MMP26: variants seen among roughly 807,000 people sequenced by gnomAD.
MMP26 encodes matrix metallopeptidase 26.
In MMP26, 33 loss-of-function variants were observed where a neutral mutation model predicts 31.0. The ratio of observed to expected loss-of-function variants is 1.06; its 90% CI spans 0.81 to 1.42. The LOEUF is 1.42. Ranked by LOEUF, MMP26 falls within the 40% of genes most tolerant of loss-of-function variation. The pLI, the probability that MMP26 is intolerant of heterozygous loss-of-function variation, is 0.00. For synonymous variants in MMP26, 122 were observed against 114.9 expected (o/e 1.06, Z -0.40); for missense variants, 347 against 316.1 (o/e 1.10, Z -0.74).
chr11:4,707,904 G>A (rs16933600), intron 1 of MMP26, among the ~76,000 whole-genome samples: 13,279 of 152,032 alleles, frequency 0.087, 1,339 homozygotes, highest in African/African-American at 0.23. Context: ...AGTCATTTTT[G>A]CCTTAGTGGC....
chr11:4,820,181 G>A (rs1177443915), intron 2 of MMP26, among the ~76,000 whole-genome samples: 1 of 152,160 alleles, frequency 6.6e-6, no homozygotes, highest in African/African-American at 2.4e-5. Context: ...TGAAGGCATT[G>A]AGGTTAGATA....
chr11:4,760,743 C>T (rs1391911541), intron 1 of MMP26, among the ~76,000 whole-genome samples: 1 of 152,124 alleles, frequency 6.6e-6, no homozygotes, highest in African/African-American at 2.4e-5. Context: ...TACTGCCACT[C>T]TATCTCTCTG....
At chr11:4,835,348 T>G (rs1849703653) in intron 2 of MMP26, among the ~76,000 whole-genome samples, 1 of 152,160 alleles carries the variant, frequency 6.6e-6, no homozygotes, top group Non-Finnish European at 1.5e-5. Context: ...TTTATCCACC[T>G]TCTGTGTACC....
intron 2 of MMP26, among the ~76,000 whole-genome samples, chr11:4,966,028 G>T (rs552822087): frequency 6.6e-6 from 1 of 152,060 alleles, no homozygotes; most frequent in East Asian, 1.9e-4. Flanking sequence ...AAATTAAGTG[G>T]TTTACATTTT....
intron 2 of MMP26, among the ~76,000 whole-genome samples, chr11:4,805,530 A>G (rs1157226563): frequency 1.3e-5 from 2 of 152,210 alleles, no homozygotes; most frequent in African/African-American, 2.4e-5. Flanking sequence ...TCCAGGCTAT[A>G]GTTTGCCAAC....
Position 4,857,939 on chromosome 11 carries a change from G to A in MMP26, c.-145+90598G>A, listed in dbSNP as rs150085023. Among the ~76,000 whole-genome samples, 1,464 of 152,122 alleles carry A rather than the reference G, an allele frequency of 9.6e-3. 28 individuals are homozygous for A. Among genetic ancestry groups the A allele is most frequent in the African/African-American group, 0.032 (1,342 of 41,494 alleles). On this transcript the variant is annotated intron_variant, in intron 2 of 7. Transcript: ENST00000380390. Reference sequence around the variant, plus strand: ...GTTCGACATATGCAAATCAATAAACGTAATCCATCATATAAACAGAACCAA... The same window carrying A: ...GTTCGACATATGCAAATCAATAAACATAATCCATCATATAAACAGAACCAA...
rs192099003 is a variant in MMP26, at chr11:4,838,267, G to A, written c.-145+70926G>A. Among the ~76,000 whole-genome samples, 10 of 126,634 alleles carry A rather than the reference G, an allele frequency of 7.9e-5. No homozygotes were observed. In the East Asian group the frequency reaches 1.0e-3, roughly 13 times the overall value. 83.1% of individuals were successfully genotyped at this position (126,634 alleles called of 152,430 possible). A position where few individuals can be genotyped will look rare whatever the true frequency, so the allele number is the denominator to read the frequency against. On this transcript the variant is annotated intron_variant, in intron 2 of 7. Coordinates refer to ENST00000380390, the MANE Select transcript of MMP26 (RefSeq NM_021801.5). ...CAGGAGGCAGAACTTGCAGTGAGCCGAGATCTCGCCATTGTGCTCCAGCCA... is the reference window on the plus strand; with the variant it reads ...CAGGAGGCAGAACTTGCAGTGAGCCAAGATCTCGCCATTGTGCTCCAGCCA...
At chr11:4,781,845 G>C (rs12224311) in intron 2 of MMP26, among the ~76,000 whole-genome samples, 2 of 152,182 alleles carry the variant, frequency 1.3e-5, no homozygotes, top group Admixed American at 1.3e-4. Context: ...AGTCTCCCAA[G>C]AGCTGATGGT....
At chr11:4,854,558 A>G (rs537556749) in intron 2 of MMP26, among the ~76,000 whole-genome samples, 128 of 152,296 alleles carry the variant, frequency 8.4e-4, no homozygotes, top group African/African-American at 2.8e-3. Context: ...TAAACAAAGC[A>G]GCCTGGAAGT....
Position 4,989,600 on chromosome 11 carries a change from G to A in MMP26, c.100-48G>A, listed in dbSNP as rs534020069. 4.1e-6 allele frequency: 6 copies of A among 1,481,432 alleles called. No homozygotes were observed. In the African/African-American group the frequency reaches 4.2e-5, roughly 10 times the overall value. 91.8% of individuals were successfully genotyped at this position (1,481,432 alleles called of 1,614,324 possible). ...CTATGCCCAGGGTAACTGATATATG[G>A]GTCTTCCCTATTGACTCTTAGTACT... On this transcript the variant is annotated intron_variant, in intron 3 of 7. Coordinates refer to ENST00000380390, the MANE Select transcript of MMP26 (RefSeq NM_021801.5).
At chr11:4,812,023 G>T (rs1342521509) in intron 2 of MMP26, among the ~76,000 whole-genome samples, 1 of 152,130 alleles carries the variant, frequency 6.6e-6, no homozygotes, top group Non-Finnish European at 1.5e-5. Context: ...AATGTACCAA[G>T]ATTTCTGGGC....
chr11:4,791,945 T>C (rs189529231), intron 2 of MMP26, among the ~76,000 whole-genome samples: 136 of 152,098 alleles, frequency 8.9e-4, no homozygotes, highest in African/African-American at 3.2e-3. Context: ...TCTTTGGGTC[T>C]TTAGAAAAGC....
chr11:4,852,650 T>C (rs1849991631), intron 2 of MMP26, among the ~76,000 whole-genome samples: 1 of 152,092 alleles, frequency 6.6e-6, no homozygotes, highest in South Asian at 2.1e-4. Flanking sequence ...TTATGAAGAA[T>C]AGTATAAAAG....
chr11:4,975,027 G>T (rs1398432212), intron 2 of MMP26, among the ~76,000 whole-genome samples: 1 of 151,918 alleles, frequency 6.6e-6, no homozygotes, highest in Non-Finnish European at 1.5e-5. Context: ...CTAGGTGATG[G>T]GTTGATAGGT....
chr11:4,730,854 C>T (rs970105639), intron 1 of MMP26, among the ~76,000 whole-genome samples: 1 of 152,218 alleles, frequency 6.6e-6, no homozygotes, highest in Non-Finnish European at 1.5e-5. Flanking sequence ...CTGAGGTATG[C>T]TGGGACATCT....
At chr11:4,848,953 T>C (rs1262390141) in intron 2 of MMP26, 1 of 1,614,040 alleles carries the variant, frequency 6.2e-7, no homozygotes, top group South Asian at 1.1e-5. Flanking sequence ...AGTGTGGGCA[T>C]CAGGGCAGTG....
At chr11:4,768,515 G>A (rs79290114) in intron 2 of MMP26, among the ~76,000 whole-genome samples, 112 of 152,316 alleles carry the variant, frequency 7.4e-4, no homozygotes, top group African/African-American at 2.6e-3. Context: ...GTGATGAAGA[G>A]CATAGCATTT....
chr11:4,950,547 A>G lies in MMP26; in HGVS notation c.-144-37521A>G, dbSNP rs1846361959. On this transcript the variant is annotated intron_variant, in intron 2 of 7. Coordinates refer to ENST00000380390, the MANE Select transcript of MMP26 (RefSeq NM_021801.5). ...GGGATGGGGGGAGTCTGGAGATGATAGTCAAAAGGTAAAAAGTTAGAAAGA... is the reference window on the plus strand; with the variant it reads ...GGGATGGGGGGAGTCTGGAGATGATGGTCAAAAGGTAAAAAGTTAGAAAGA... Among the ~76,000 whole-genome samples the G allele has an allele frequency of 1.7e-5, 2 of 120,768 alleles. 1 individual carries two copies. 79.2% of individuals were successfully genotyped at this position (120,768 alleles called of 152,430 possible).
intron 1 of MMP26, among the ~76,000 whole-genome samples, chr11:4,729,290 TC>T (rs1848142100): frequency 6.6e-6 from 1 of 152,112 alleles, no homozygotes; most frequent in Admixed American, 6.6e-5. Flanking sequence ...TGATGGAGAA[TC>T]CTGACAGCCA....
Sources: gnomAD v4.1 joint callset for allele counts (sites outside exome capture counted in the v4.1 genomes callset) on GRCh38, gnomAD v4.1.1 for gene constraint, MANE v1.5 for transcripts, NCBI Gene and HGNC (gene_info 2026-07-23, HGNC 2026-07-21) for gene names.